Variants in ZNF521 observed in about 807,000 individuals in gnomAD.
ZNF521 encodes the protein LYST-interacting protein 3.
ZNF521 carries 14 observed loss-of-function variants against 105.5 expected under a neutral mutation model. The observed-to-expected ratio is 0.13, with a 90% CI of 0.09 to 0.21. The LOEUF (loss-of-function observed/expected upper bound fraction) is 0.21, where lower values mean the gene tolerates loss of function less well. Among genes scored for constraint, ZNF521 ranks in the 10% least tolerant of loss-of-function variants. The probability of loss-of-function intolerance (pLI) is 1.00; values close to 1 mark genes in which losing one functional copy is unlikely to be tolerated. For synonymous variants in ZNF521, 635 were observed against 606.0 expected (o/e 1.05, Z -0.70); for missense variants, 1,233 against 1,629.7 (o/e 0.76, Z 4.19).
In ZNF521 at chr18:25,062,689, C is replaced by G; in HGVS notation, c.*23G>C. On this transcript the variant is annotated 3_prime_UTR_variant, in exon 8 of 8. Transcript: ENST00000361524. ...CCCTTTTTGTGCCACAAAATCAATT[C>G]TCCTTGAGAGACTGTACTTGCACTA... The G allele has an allele frequency of 2.8e-6, 4 of 1,452,218 alleles. No homozygotes were observed. Among genetic ancestry groups the G allele is most frequent in the Non-Finnish European group, 3.7e-6 (4 of 1,092,568 alleles). The allele number at this position is 1,452,218 out of a possible 1,614,324, so 90.0% of individuals were successfully genotyped here.
chr18:25,122,299 A>T (rs1224836035), intron 5 of ZNF521, among the ~76,000 whole-genome samples: 1 of 152,224 alleles, frequency 6.6e-6, no homozygotes, highest in African/African-American at 2.4e-5. Context: ...ACTGTGGGAC[A>T]ATTTCAAGTG....
chr18:25,238,113 C>G (rs1362306130), intron 3 of ZNF521, among the ~76,000 whole-genome samples: 1 of 152,150 alleles, frequency 6.6e-6, no homozygotes, highest in Non-Finnish European at 1.5e-5. Flanking sequence ...CACCTTGGCT[C>G]TACGTATTAG....
chr18:25,259,630 C>T (rs1376146791), intron 3 of ZNF521, among the ~76,000 whole-genome samples: 1 of 152,010 alleles, frequency 6.6e-6, no homozygotes, highest in Non-Finnish European at 1.5e-5. Flanking sequence ...AATTTCAAGA[C>T]GATCATTCCA....
At chr18:25,347,294 T>C (rs1914505112) in intron 2 of ZNF521, among the ~76,000 whole-genome samples, 1 of 152,266 alleles carries the variant, frequency 6.6e-6, no homozygotes, top group South Asian at 2.1e-4. Flanking sequence ...CTCTAATAAC[T>C]GGCTTCAATT....
At chr18:25,350,880 A>G in intron 2 of ZNF521, 27 bp downstream of exon 2, 1 of 1,546,508 alleles carries the variant, frequency 6.5e-7, no homozygotes, top group Non-Finnish European at 8.7e-7. Flanking sequence ...GATGGGGGAA[A>G]GCGGGGAGCA....
At chr18:25,071,260 C>T (rs971654987) in intron 7 of ZNF521, among the ~76,000 whole-genome samples, 1 of 152,092 alleles carries the variant, frequency 6.6e-6, no homozygotes, top group Non-Finnish European at 1.5e-5. Context: ...GGCAAGTATA[C>T]AGAAACTGTA....
chr18:25,108,135 T>C (rs2034110625), intron 5 of ZNF521, among the ~76,000 whole-genome samples: 1 of 152,238 alleles, frequency 6.6e-6, no homozygotes, highest in Non-Finnish European at 1.5e-5. Flanking sequence ...GTAAGTTTGT[T>C]TTGGCTTATG....
At chr18:25,264,680 T>C (rs1253833534) in intron 3 of ZNF521, among the ~76,000 whole-genome samples, 1 of 152,202 alleles carries the variant, frequency 6.6e-6, no homozygotes, top group East Asian at 1.9e-4. Context: ...TACATCTTCA[T>C]AATGTTTATT....
At chr18:25,135,416 G>T (rs1600079066) in intron 5 of ZNF521, among the ~76,000 whole-genome samples, 1 of 151,886 alleles carries the variant, frequency 6.6e-6, no homozygotes, top group East Asian at 1.9e-4. Flanking sequence ...TTTTTGTTTG[G>T]GTTGGAAGGA....
rs1281279538 is a variant in ZNF521 at position 25,220,505 on chromosome 18, G to A, written c.3573+3840C>T. ...GAGTTAACCTGAACTCTAACCCCTT[G>A]CCTACCACTTACTGGCTGTGTGATC... On this transcript the variant is annotated intron_variant, in intron 4 of 7. Transcript: ENST00000361524. 2.0e-5 allele frequency among the ~76,000 whole-genome samples: 3 copies of A among 152,226 alleles called. No homozygotes were observed. The East Asian group carries it at 5.8e-4, about 29-fold the overall frequency.
chr18:25,330,372 G>A (rs1913498964), intron 2 of ZNF521, among the ~76,000 whole-genome samples: 1 of 151,614 alleles, frequency 6.6e-6, no homozygotes, highest in Non-Finnish European at 1.5e-5. Context: ...CACCATGTTG[G>A]CCAGGATGGT....
chr18:25,085,721 C>T (rs2033607761), intron 7 of ZNF521, among the ~76,000 whole-genome samples: 1 of 151,270 alleles, frequency 6.6e-6, no homozygotes, highest in African/African-American at 2.4e-5. Flanking sequence ...CGTTAACATT[C>T]CCTCATATAT....
chr18:25,171,107 T>C (rs752931452), intron 5 of ZNF521, among the ~76,000 whole-genome samples: 7 of 152,094 alleles, frequency 4.6e-5, no homozygotes, highest in Non-Finnish European at 1.0e-4. Context: ...AAACATAAAA[T>C]TTTTATTTAG....
At chr18:25,331,458 C>A (rs899661236) in intron 2 of ZNF521, among the ~76,000 whole-genome samples, 1 of 152,102 alleles carries the variant, frequency 6.6e-6, no homozygotes, top group African/African-American at 2.4e-5. Flanking sequence ...AATTTTTGAA[C>A]CTAGGATTTA....
intron 3 of ZNF521, among the ~76,000 whole-genome samples, chr18:25,296,471 G>C (rs560140650): frequency 3.5e-4 from 54 of 152,278 alleles, no homozygotes; most frequent in African/African-American, 1.3e-3. Flanking sequence ...AAGATACTCA[G>C]TCACACTTAT....
intron 4 of ZNF521, among the ~76,000 whole-genome samples, chr18:25,221,157 G>GA (rs561531187): frequency 6.6e-5 from 10 of 152,108 alleles, no homozygotes; most frequent in Non-Finnish European, 1.3e-4. Context: ...CTGGCACAAA[G>GA]AAAACATTTT....
intron 4 of ZNF521, among the ~76,000 whole-genome samples, chr18:25,203,154 C>T (rs528251800): frequency 6.6e-6 from 1 of 152,236 alleles, no homozygotes; most frequent in South Asian, 2.1e-4. Flanking sequence ...GCCTAAATGA[C>T]ATGGCAAAGC....
At chr18:25,137,732 G>A (rs1192021734) in intron 5 of ZNF521, among the ~76,000 whole-genome samples, 1 of 152,140 alleles carries the variant, frequency 6.6e-6, no homozygotes, top group Non-Finnish European at 1.5e-5. Flanking sequence ...CAACCTCATT[G>A]GGGAAGAACT....
intron 5 of ZNF521, among the ~76,000 whole-genome samples, chr18:25,116,743 A>G (rs1056570885): frequency 1.3e-5 from 2 of 151,714 alleles, no homozygotes; most frequent in African/African-American, 4.8e-5. Flanking sequence ...CATATTTTAT[A>G]CGCATGTGGA....
Sources: allele counts gnomAD v4.1 joint callset (sites outside exome capture counted in the v4.1 genomes callset), GRCh38; gene constraint gnomAD v4.1.1; transcripts MANE v1.5; gene names NCBI Gene and HGNC (gene_info 2026-07-23, HGNC 2026-07-21).